The following SCHIP1 variants were observed in gnomAD, a reference collection of about 807,000 sequenced individuals.
The protein encoded by SCHIP1 is schwannomin interacting protein 1, also known as schwannomin-interacting protein 1.
In SCHIP1, 8 loss-of-function variants were observed where a neutral mutation model predicts 29.7. That is an observed-to-expected ratio of 0.27 (90% confidence interval 0.16 to 0.49). The LOEUF is 0.49. Ranked by LOEUF, SCHIP1 falls within the 20% of genes least tolerant of loss-of-function variation. The pLI, the probability that SCHIP1 is intolerant of heterozygous loss-of-function variation, is 0.99. For synonymous variants in SCHIP1, 76 were observed against 94.9 expected (o/e 0.80, Z 1.16); for missense variants, 193 against 294.6 (o/e 0.66, Z 2.52).
At chr3:159,786,617 A>G in the SCHIP1 span, among the ~76,000 whole-genome samples, 1 of 151,930 alleles carries the variant, frequency 6.6e-6, no homozygotes, top group Non-Finnish European at 1.5e-5. Flanking sequence ...ATCATAGTTT[A>G]GTTTCGCACC....
chr3:159,604,102 C>A, the SCHIP1 span, among the ~76,000 whole-genome samples: 2,367 of 152,186 alleles, frequency 0.016, 64 homozygotes, highest in African/African-American at 0.053. Flanking sequence ...AGCTATAGCA[C>A]CCCATGATCT....
the SCHIP1 span, among the ~76,000 whole-genome samples, chr3:159,460,461 TG>T: frequency 1.3e-5 from 2 of 152,092 alleles, no homozygotes; most frequent in African/African-American, 2.4e-5. Flanking sequence ...GGAATTAAGG[TG>T]GGTCTTGGAG....
the SCHIP1 span, among the ~76,000 whole-genome samples, chr3:159,407,506 G>T: frequency 2.5e-4 from 38 of 152,200 alleles, no homozygotes; most frequent in African/African-American, 8.9e-4. Context: ...AGAAACATTG[G>T]ACTTAATCTG....
intron 2 of SCHIP1, among the ~76,000 whole-genome samples, chr3:159,881,438 C>A (rs1716429700): frequency 6.6e-6 from 1 of 152,150 alleles, no homozygotes; most frequent in African/African-American, 2.4e-5. Flanking sequence ...GGCTCTCGAG[C>A]CACACTGGTT....
chr3:159,440,650 C>G, the SCHIP1 span, among the ~76,000 whole-genome samples: 1 of 152,122 alleles, frequency 6.6e-6, no homozygotes, highest in Non-Finnish European at 1.5e-5. Context: ...CTAATTTGCT[C>G]TCATTTGAGC....
intron 2 of SCHIP1, 135 bp downstream of exon 3, chr3:159,866,416 G>T: frequency 5.1e-6 from 4 of 779,682 alleles, no homozygotes; most frequent in South Asian, 2.1e-5. Flanking sequence ...TCTTTATTTG[G>T]GTTTTAGACA....
At chr3:159,336,544 T>A in the SCHIP1 span, among the ~76,000 whole-genome samples, 1 of 152,322 alleles carries the variant, frequency 6.6e-6, no homozygotes, top group Non-Finnish European at 1.5e-5. Context: ...AGGGATCCAG[T>A]TTCAGCTTTC....
the SCHIP1 span, chr3:159,306,558 T>C: frequency 2.2e-6 from 2 of 891,074 alleles, no homozygotes; most frequent in Non-Finnish European, 2.7e-6. Flanking sequence ...TCTAGAATTA[T>C]ACTGAGCGCC....
chr3:159,282,166 G>A, the SCHIP1 span, among the ~76,000 whole-genome samples: 1 of 151,916 alleles, frequency 6.6e-6, no homozygotes, highest in African/African-American at 2.4e-5. Flanking sequence ...AGAGATTACT[G>A]TAAGTATAAT....
the SCHIP1 span, among the ~76,000 whole-genome samples, chr3:159,496,392 T>A: frequency 6.6e-6 from 1 of 151,992 alleles, no homozygotes; most frequent in East Asian, 1.9e-4. Context: ...TACAATGAAC[T>A]CAAACAAATT....
chr3:159,431,289 T>G, the SCHIP1 span, among the ~76,000 whole-genome samples: 1 of 150,766 alleles, frequency 6.6e-6, no homozygotes, highest in Non-Finnish European at 1.5e-5. Flanking sequence ...GACGTGTGTG[T>G]GGGAGGGTGT....
At chr3:159,317,009 C>T in the SCHIP1 span, among the ~76,000 whole-genome samples, 347 of 152,254 alleles carry the variant, frequency 2.3e-3, 1 homozygote, top group Middle Eastern at 0.01. Flanking sequence ...AGGTTGTGGG[C>T]GTTCTTCCTG....
At chr3:159,364,782 C>A in the SCHIP1 span, among the ~76,000 whole-genome samples, 1 of 152,188 alleles carries the variant, frequency 6.6e-6, no homozygotes, top group Admixed American at 6.5e-5. Flanking sequence ...TTGACTAATT[C>A]ATCCCTGCAT....
chr3:159,509,003 G>C, the SCHIP1 span, among the ~76,000 whole-genome samples: 1 of 152,200 alleles, frequency 6.6e-6, no homozygotes, highest in Non-Finnish European at 1.5e-5. Flanking sequence ...GCAGAGCTGA[G>C]TTCAATTCCT....
the SCHIP1 span, among the ~76,000 whole-genome samples, chr3:159,408,318 A>AATG: frequency 2.0e-5 from 3 of 151,782 alleles, no homozygotes; most frequent in African/African-American, 7.3e-5. Flanking sequence ...TAATAATAAT[A>AATG]ATCAGAGCAG....
chr3:159,322,731 G>T, the SCHIP1 span, among the ~76,000 whole-genome samples: 1 of 152,220 alleles, frequency 6.6e-6, no homozygotes, highest in Non-Finnish European at 1.5e-5. Flanking sequence ...GCAGGAATCT[G>T]CACTTTTAAC....
At chr3:159,842,543 C>A (rs933639260) in intron 1 of SCHIP1, among the ~76,000 whole-genome samples, 2 of 152,134 alleles carry the variant, frequency 1.3e-5, no homozygotes, top group African/African-American at 4.8e-5. Context: ...AGTTTATCAT[C>A]CTGCTCAGAG....
At chr3:159,749,147 CTA>C in the SCHIP1 span, among the ~76,000 whole-genome samples, 1 of 151,970 alleles carries the variant, frequency 6.6e-6, no homozygotes, top group Non-Finnish European at 1.5e-5. Flanking sequence ...TGGTGGTGCA[CTA>C]CTGTAGTCCC....
chr3:159,764,736 C>T, the SCHIP1 span: 1 of 1,572,212 alleles, frequency 6.4e-7, no homozygotes, highest in South Asian at 1.2e-5. This position sits in a 1 kb window ranked among gnomAD's most constrained non-coding sequence, Gnocchi z 6.1. Context: ...GCTCTCCGGC[C>T]CGGGAACCGG....
Sources: gnomAD v4.1 joint callset for allele counts (sites outside exome capture counted in the v4.1 genomes callset) on GRCh38, gnomAD v4.1.1 for gene constraint, Gnocchi (gnomAD v3.1) non-coding constraint, MANE v1.5 for transcripts, NCBI Gene and HGNC (gene_info 2026-07-23, HGNC 2026-07-21) for gene names.